TENM4: variants seen among roughly 807,000 people sequenced by gnomAD.
The protein encoded by TENM4 is teneurin transmembrane protein 4.
TENM4 carries 82 observed loss-of-function variants against 243.3 expected under a neutral mutation model. The ratio of observed to expected loss-of-function variants is 0.34; its 90% CI spans 0.28 to 0.40. The LOEUF (loss-of-function observed/expected upper bound fraction) is 0.40, where lower values mean the gene tolerates loss of function less well. Among genes scored for constraint, TENM4 ranks in the 10% least tolerant of loss-of-function variants. TENM4 has a pLI of 1.00. For missense variants in TENM4, 3,138 were observed against 3,673.3 expected (o/e 0.85, Z 3.77); for synonymous variants, 1,412 against 1,456.3 (o/e 0.97, Z 0.69).
At chr11:78,827,449 A>G (rs540758864) in intron 12 of TENM4, among the ~76,000 whole-genome samples, 1 of 151,518 alleles carries the variant, frequency 6.6e-6, no homozygotes, top group East Asian at 1.9e-4. Context: ...CGCTTGTCCA[A>G]GTCCTATCCA....
At chr11:78,828,600 A>G (rs1346095864) in intron 12 of TENM4, among the ~76,000 whole-genome samples, 4 of 152,364 alleles carry the variant, frequency 2.6e-5, no homozygotes, top group East Asian at 1.9e-4. Flanking sequence ...ACTTGGGTCT[A>G]TATCTTTGAG....
At chr11:78,779,961 C>T (rs185068830) in intron 16 of TENM4, among the ~76,000 whole-genome samples, 8 of 152,286 alleles carry the variant, frequency 5.3e-5, no homozygotes, top group African/African-American at 1.4e-4. Context: ...GTTCTTAGTT[C>T]AGGTATCCGT....
At position 79,148,690 on chromosome 11, in the gene TENM4, T is replaced by C; in HGVS notation, c.-66+20A>G. The C allele has an allele frequency of 1.2e-6, 1 of 833,414 alleles. No individual in the cohort carries two copies. The highest frequency in any genetic ancestry group is 1.4e-6 in the Non-Finnish European group (1 of 691,514). 51.6% of individuals were successfully genotyped at this position (833,414 alleles called of 1,614,324 possible). ...CTTAAATCATGAATACTCTCTGAAGTGTAAAAAAAATCAACTCACTTTTCT... is the reference window on the plus strand; with the variant it reads ...CTTAAATCATGAATACTCTCTGAAGCGTAAAAAAAATCAACTCACTTTTCT... On this transcript the variant is annotated intron_variant, in intron 4 of 33. Coordinates refer to ENST00000278550, the MANE Select transcript of TENM4 (RefSeq NM_001098816.3).
intron 32 of TENM4, among the ~76,000 whole-genome samples, chr11:78,663,922 C>T (rs549969785): frequency 2.0e-5 from 3 of 152,256 alleles, no homozygotes; most frequent in Admixed American, 6.5e-5. Flanking sequence ...CCCCCTCTCC[C>T]GAGTGTGCAA....
chr11:78,891,533 G>T (rs573618415), intron 7 of TENM4, among the ~76,000 whole-genome samples, 197 bp from the exon 8 acceptor site: 1 of 152,300 alleles, frequency 6.6e-6, no homozygotes, highest in Non-Finnish European at 1.5e-5. Flanking sequence ...AGAGAATACT[G>T]TCTATATAAA....
At chr11:79,122,302 A>G (rs1416190194) in intron 4 of TENM4, among the ~76,000 whole-genome samples, 1 of 152,198 alleles carries the variant, frequency 6.6e-6, no homozygotes, top group Non-Finnish European at 1.5e-5. Context: ...GGAGATTTAT[A>G]TTTGTCGGGC....
intron 4 of TENM4, among the ~76,000 whole-genome samples, chr11:79,107,976 A>G (rs1861413519): frequency 6.6e-6 from 1 of 152,238 alleles, no homozygotes; most frequent in Admixed American, 6.5e-5. Flanking sequence ...TGTAACTGTC[A>G]CAGTAAAAAT....
chr11:78,683,876 C>T (rs932388796), intron 29 of TENM4, among the ~76,000 whole-genome samples: 3 of 152,238 alleles, frequency 2.0e-5, no homozygotes, highest in Non-Finnish European at 4.4e-5. Flanking sequence ...GAGTTTCTTT[C>T]TATAGATGAA....
chr11:79,018,404 T>C (rs1284733873), intron 6 of TENM4, among the ~76,000 whole-genome samples: 2 of 152,112 alleles, frequency 1.3e-5, no homozygotes, highest in African/African-American at 4.8e-5. Flanking sequence ...TCAAGGTTGC[T>C]TCCTGGCTCC....
At chr11:79,122,285 A>G (rs1591298442) in intron 4 of TENM4, among the ~76,000 whole-genome samples, 1 of 152,334 alleles carries the variant, frequency 6.6e-6, no homozygotes, top group Non-Finnish European at 1.5e-5. Context: ...CTTTTCTTTT[A>G]TCACTGGGAG....
chr11:78,738,634 G>A, intron 19 of TENM4, 64 bp from the exon 20 acceptor site: 3 of 1,547,642 alleles, frequency 1.9e-6, no homozygotes, highest in Non-Finnish European at 2.6e-6. Flanking sequence ...TGGCTGGCAG[G>A]GAACCCCGAG....
chr11:79,385,969 A>T, intron 1 of TENM4, among the ~76,000 whole-genome samples: 1 of 152,228 alleles, frequency 6.6e-6, no homozygotes, highest in East Asian at 1.9e-4. Context: ...AAAAAACAGC[A>T]TATTATGTTC....
chr11:79,274,743 G>A (rs535096989), intron 2 of TENM4, among the ~76,000 whole-genome samples: 11 of 152,218 alleles, frequency 7.2e-5, no homozygotes, highest in Non-Finnish European at 1.5e-4. Flanking sequence ...GTGGAAGCCT[G>A]TTGTAGTAGA....
At chr11:78,816,849 T>G (rs1246205618) in intron 12 of TENM4, among the ~76,000 whole-genome samples, 2 of 152,186 alleles carry the variant, frequency 1.3e-5, no homozygotes, top group Non-Finnish European at 2.9e-5. Flanking sequence ...AGTCAACTGT[T>G]GCATGAGGCA....
At chr11:78,795,601 T>A (rs1857145133) in intron 15 of TENM4, among the ~76,000 whole-genome samples, 1 of 152,056 alleles carries the variant, frequency 6.6e-6, no homozygotes, top group South Asian at 2.1e-4. Context: ...GGATACGAGA[T>A]TATATGAAAT....
chr11:79,292,215 A>T (rs779741118), intron 2 of TENM4, among the ~76,000 whole-genome samples: 8 of 152,174 alleles, frequency 5.3e-5, no homozygotes, highest in African/African-American at 1.2e-4. Context: ...GGAAGGCACT[A>T]GAAGCAAAAG....
Position 79,090,238 on chromosome 11 carries a change from A to G in TENM4, c.-65-20229T>C, listed in dbSNP as rs568984426. Among the ~76,000 whole-genome samples, 100 of 152,374 alleles carry G rather than the reference A, an allele frequency of 6.6e-4. 3 individuals carry two copies. In the South Asian group the frequency reaches 0.021, roughly 32 times the overall value. On this transcript the variant is annotated intron_variant, in intron 4 of 33. Coordinates refer to ENST00000278550, the MANE Select transcript of TENM4 (RefSeq NM_001098816.3). ...ATTTCCCTGGTGCAGGACAAGGGCTATGAATCTGCAGGAGCAATCAGGCTG... is the reference window on the plus strand; with the variant it reads ...ATTTCCCTGGTGCAGGACAAGGGCTGTGAATCTGCAGGAGCAATCAGGCTG...
chr11:78,814,797 T>C (rs1857569862), intron 12 of TENM4, among the ~76,000 whole-genome samples: 1 of 152,252 alleles, frequency 6.6e-6, no homozygotes, highest in South Asian at 2.1e-4. Flanking sequence ...AATGGGCTGA[T>C]ATTCCATACT....
chr11:78,753,289 A>G (rs1856231739), intron 19 of TENM4, among the ~76,000 whole-genome samples: 3 of 152,192 alleles, frequency 2.0e-5, no homozygotes, highest in East Asian at 3.8e-4. Flanking sequence ...GAGTACCATT[A>G]TTGCCAATTT....
Sources: allele counts gnomAD v4.1 joint callset (sites outside exome capture counted in the v4.1 genomes callset), GRCh38; gene constraint gnomAD v4.1.1; transcripts MANE v1.5; gene names NCBI Gene and HGNC (gene_info 2026-07-23, HGNC 2026-07-21).